FAM227B: variants seen among roughly 807,000 people sequenced by gnomAD.
The protein encoded by FAM227B is protein FAM227B.
FAM227B carries 88 observed loss-of-function variants against 73.8 expected under a neutral mutation model. That is an observed-to-expected ratio of 1.19 (90% CI 1.00 to 1.42). The LOEUF (loss-of-function observed/expected upper bound fraction) is 1.42. Ranked by LOEUF, FAM227B falls within the 40% of genes most tolerant of loss-of-function variation. The probability of loss-of-function intolerance (pLI) is 0.00; values close to 1 mark genes in which losing one functional copy is unlikely to be tolerated. For synonymous variants in FAM227B, 210 were observed against 190.5 expected (o/e 1.10, Z -0.84); for missense variants, 632 against 590.9 (o/e 1.07, Z -0.72).
intron 11 of FAM227B, among the ~76,000 whole-genome samples, chr15:49,507,915 T>C (rs1222381421): frequency 6.6e-6 from 1 of 151,858 alleles, no homozygotes; most frequent in South Asian, 2.1e-4. Flanking sequence ...AAATAAAAAA[T>C]GTAAATTTAT....
chr15:49,385,520 A>G (rs575783484), intron 11 of FAM227B, among the ~76,000 whole-genome samples: 3 of 151,724 alleles, frequency 2.0e-5, no homozygotes, highest in Non-Finnish European at 4.4e-5. Flanking sequence ...CTAAGCCTTA[A>G]AACAAAAGCC....
At chr15:49,488,918 G>A (rs1476747356) in intron 11 of FAM227B, 2 of 151,882 alleles carry the variant, frequency 1.3e-5, no homozygotes, top group Non-Finnish European at 2.9e-5. Flanking sequence ...CTCAGAAAGG[G>A]ATCCACCTTA....
At chr15:49,527,736 T>C (rs2060307661) in intron 10 of FAM227B, among the ~76,000 whole-genome samples, 2 of 151,772 alleles carry the variant, frequency 1.3e-5, no homozygotes, top group South Asian at 4.1e-4. Flanking sequence ...AAACCAAAAC[T>C]CAGTCCCATT....
intron 13 of FAM227B, chr15:49,343,587 C>T (rs2041064274): frequency 6.6e-6 from 1 of 152,152 alleles, no homozygotes; most frequent in African/African-American, 2.4e-5. Context: ...AGTTTCTTCC[C>T]AGTTAAGGCC....
At chr15:49,449,320 T>G (rs1209096387) in intron 11 of FAM227B, among the ~76,000 whole-genome samples, 1 of 152,098 alleles carries the variant, frequency 6.6e-6, no homozygotes, top group South Asian at 2.1e-4. Context: ...AAATGTTTTT[T>G]ACTTCTATAC....
chr15:49,491,495 T>C (rs537871189), intron 11 of FAM227B, among the ~76,000 whole-genome samples: 19 of 151,976 alleles, frequency 1.3e-4, no homozygotes, highest in South Asian at 4.2e-4. Context: ...TTTACACAAG[T>C]TGCAAATTGA....
chr15:49,531,963 T>A (rs1438232687), intron 10 of FAM227B, among the ~76,000 whole-genome samples: 1 of 151,418 alleles, frequency 6.6e-6, no homozygotes, highest in African/African-American at 2.4e-5. Context: ...AAATGACTTA[T>A]GAAGAAATCC....
At chr15:49,418,947 C>G (rs2049405266) in intron 11 of FAM227B, among the ~76,000 whole-genome samples, 1 of 152,008 alleles carries the variant, frequency 6.6e-6, no homozygotes, top group South Asian at 2.1e-4. Context: ...TAGGGTTTCC[C>G]TCTTCTGTTT....
intron 11 of FAM227B, chr15:49,486,912 T>C (rs946100574): frequency 1.3e-5 from 2 of 151,964 alleles, no homozygotes; most frequent in Non-Finnish European, 2.9e-5. Flanking sequence ...TACTCATTTG[T>C]AGTCTAGGAA....
At chr15:49,536,402 T>C (rs1357482459) in intron 10 of FAM227B, among the ~76,000 whole-genome samples, 1 of 151,782 alleles carries the variant, frequency 6.6e-6, no homozygotes, top group African/African-American at 2.4e-5. Flanking sequence ...TGTAAAACAC[T>C]GAAGAAAGAA....
intron 11 of FAM227B, among the ~76,000 whole-genome samples, chr15:49,412,169 A>C (rs1362200619): frequency 1.3e-5 from 2 of 152,114 alleles, no homozygotes; most frequent in African/African-American, 4.8e-5. Flanking sequence ...AGCTATAATC[A>C]TGTGTAGCCA....
intron 1 of FAM227B, among the ~76,000 whole-genome samples, chr15:49,620,465 C>T (rs541126944): frequency 5.3e-5 from 8 of 152,284 alleles, no homozygotes; most frequent in African/African-American, 1.7e-4. Context: ...ACATATTATA[C>T]TTCAAAGTGG....
At chr15:49,510,331 T>C (rs2058895814) in intron 10 of FAM227B, among the ~76,000 whole-genome samples, 1 of 152,160 alleles carries the variant, frequency 6.6e-6, no homozygotes. Flanking sequence ...TAGAGAATAA[T>C]GTGGACAATT....
At chr15:49,608,805 T>C (rs1298993079) in intron 3 of FAM227B, among the ~76,000 whole-genome samples, 2 of 151,648 alleles carry the variant, frequency 1.3e-5, no homozygotes, top group Non-Finnish European at 1.5e-5. Flanking sequence ...TAAGAAAAGA[T>C]GAATTAAAGT....
chr15:49,513,544 T>C (rs1441583900), intron 10 of FAM227B, among the ~76,000 whole-genome samples: 1 of 152,210 alleles, frequency 6.6e-6, no homozygotes, highest in Non-Finnish European at 1.5e-5. Context: ...TCTCCCGTTC[T>C]GTAGGTTGCC....
At chr15:49,461,508 C>T (rs1243456664) in intron 11 of FAM227B, among the ~76,000 whole-genome samples, 2 of 152,168 alleles carry the variant, frequency 1.3e-5, no homozygotes, top group African/African-American at 4.8e-5. Context: ...ATATTTCATG[C>T]TCTATACTTC....
At chr15:49,490,772 T>G (rs1249545261) in intron 11 of FAM227B, among the ~76,000 whole-genome samples, 1 of 151,968 alleles carries the variant, frequency 6.6e-6, no homozygotes, top group Admixed American at 6.6e-5. Context: ...GATTCTCCAC[T>G]TGACTGAAAT....
chr15:49,510,982 T>G lies in FAM227B; in HGVS notation c.875-2634A>C, dbSNP rs1050377995. On this transcript the variant is annotated intron_variant, in intron 10 of 15. Coordinates refer to ENST00000299338, the MANE Select transcript of FAM227B (RefSeq NM_152647.3). ...GAAGTTTTTTTTTTTTAGCATTTTC[T>G]TTTTGTTCTCTGGGTTCTGAGGACT... 1.6e-4 allele frequency among the ~76,000 whole-genome samples: 24 copies of G among 152,142 alleles called. No homozygotes were observed. The East Asian group carries it at 3.9e-3, about 24-fold the overall frequency.
Position 49,335,507 on chromosome 15 carries a change from T to A in FAM227B, c.1272-11A>T, listed in dbSNP as rs748597613. 2.5e-6 allele frequency: 4 copies of A among 1,601,460 alleles called. No homozygotes were observed. Among genetic ancestry groups the A allele is most frequent in the Non-Finnish European group, 8.6e-7 (1 of 1,169,154 alleles). Reference sequence around the variant, plus strand: ...GTTGGAGCAGGTAGTGTGCTAGGCTTATTATTAAGGAATGATTTTCAATTA... The same window carrying A: ...GTTGGAGCAGGTAGTGTGCTAGGCTAATTATTAAGGAATGATTTTCAATTA... On this transcript the variant is annotated splice_polypyrimidine_tract_variant and intron_variant, in intron 13 of 15. Transcript: ENST00000299338.
Sources: allele counts gnomAD v4.1 joint callset (sites outside exome capture counted in the v4.1 genomes callset), GRCh38; gene constraint gnomAD v4.1.1; transcripts MANE v1.5; gene names NCBI Gene and HGNC (gene_info 2026-07-23, HGNC 2026-07-21).